CHRM5: variants seen among roughly 807,000 people sequenced by gnomAD.
CHRM5 encodes the protein cholinergic receptor muscarinic 5.
In CHRM5, 18 loss-of-function variants were observed where a neutral mutation model predicts 39.0. The observed-to-expected ratio is 0.46, with a 90% CI of 0.32 to 0.68. CHRM5 has a LOEUF of 0.68. Among genes scored for constraint, CHRM5 ranks in the 30% least tolerant of loss-of-function variants. The pLI is 0.04. For synonymous variants in CHRM5, 241 were observed against 246.3 expected, an observed-to-expected ratio of 0.98 and a Z score of 0.20; for missense variants, 515 against 651.1, an observed-to-expected ratio of 0.79 and a Z score of 2.28.
Position 33,990,165 on chromosome 15 carries a change from T to C in CHRM5, c.-408+21015T>C, listed in dbSNP as rs140619275. On this transcript the variant is annotated intron_variant, in intron 1 of 2. Transcript: ENST00000383263. ...GTTGCAGTGAGCCGAGATTGCATCG[T>C]TGCAATCCAGACTGGGCAACAGGGT... is the stretch of plus-strand genomic sequence containing the variant. Among the ~76,000 whole-genome samples, 132 of 150,246 alleles carry C rather than the reference T, an allele frequency of 8.8e-4. 1 individual carries two copies. Among genetic ancestry groups the C allele is most frequent in the African/African-American group, 3.1e-3 (127 of 40,744 alleles).
At chr15:33,990,563 T>G (rs553787343) in intron 1 of CHRM5, 2 of 152,350 alleles carry the variant, frequency 1.3e-5, no homozygotes, top group African/African-American at 4.8e-5. Context: ...TATAACTAGC[T>G]TAAATTATCT....
chr15:33,990,894 G>A (rs531346323), intron 1 of CHRM5: 2 of 152,170 alleles, frequency 1.3e-5, no homozygotes, highest in African/African-American at 4.8e-5. Context: ...TATAATAGAA[G>A]CACTGAACAA....
intron 1 of CHRM5, among the ~76,000 whole-genome samples, chr15:34,025,805 A>C (rs957350128): frequency 5.3e-5 from 8 of 149,628 alleles, no homozygotes; most frequent in Admixed American, 1.3e-4. Context: ...AAGCGGAGGA[A>C]GGAGAAAAAG....
intron 1 of CHRM5, among the ~76,000 whole-genome samples, chr15:34,010,855 T>C (rs191082709): frequency 6.6e-6 from 1 of 152,366 alleles, no homozygotes; most frequent in Admixed American, 6.5e-5. Flanking sequence ...TAATAGTTAA[T>C]TGCCAACTTT....
At chr15:34,025,082 A>G (rs1191666759) in intron 1 of CHRM5, among the ~76,000 whole-genome samples, 3 of 151,948 alleles carry the variant, frequency 2.0e-5, no homozygotes, top group African/African-American at 7.3e-5. Flanking sequence ...AGGCAGGAGA[A>G]TCGTTTGAGC....
At chr15:34,009,929 T>C (rs1469879942) in intron 1 of CHRM5, among the ~76,000 whole-genome samples, 3 of 152,074 alleles carry the variant, frequency 2.0e-5, no homozygotes, top group African/African-American at 7.2e-5. Flanking sequence ...GACACTGTAC[T>C]CCAGCCTGGG....
At chr15:34,039,098 C>T in intron 1 of CHRM5, 1 of 1,066,742 alleles carries the variant, frequency 9.4e-7, no homozygotes, top group Middle Eastern at 4.3e-4. Context: ...GCGGCGGAGA[C>T]GCCCTGGCCC....
At position 33,994,115 on chromosome 15, in the gene CHRM5, G is replaced by C. The variant is rs560355056; in HGVS notation, c.-408+24965G>C. On this transcript the variant is annotated intron_variant, in intron 1 of 2. Coordinates refer to ENST00000383263, the MANE Select transcript of CHRM5 (RefSeq NM_012125.4). ...ACCGGTCTGTGGCTTGTTAGGAACC[G>C]GGCTGCATAGCAGGAGGTGAGTGGT... Among the ~76,000 whole-genome samples, 7 of 152,318 alleles carry C rather than the reference G, an allele frequency of 4.6e-5. No homozygotes were observed. In the South Asian group the frequency reaches 1.5e-3, roughly 32 times the overall value.
At chr15:34,048,486 C>T (rs1221939723) in intron 2 of CHRM5, among the ~76,000 whole-genome samples, 4 of 150,690 alleles carry the variant, frequency 2.7e-5, no homozygotes, top group African/African-American at 9.8e-5. Flanking sequence ...CCTCACTGGG[C>T]AGGACCTCCA....
intron 2 of CHRM5, among the ~76,000 whole-genome samples, chr15:34,051,682 CA>C (rs1444999070): frequency 1.3e-5 from 2 of 151,964 alleles, no homozygotes; most frequent in East Asian, 3.9e-4. Flanking sequence ...CACAGAAATC[CA>C]AACAATCATC....
chr15:34,011,514 T>C (rs1394784767), intron 1 of CHRM5, among the ~76,000 whole-genome samples: 1 of 152,172 alleles, frequency 6.6e-6, no homozygotes, highest in African/African-American at 2.4e-5. Context: ...CCATTAAGAA[T>C]GGGAATAAAA....
intron 1 of CHRM5, among the ~76,000 whole-genome samples, chr15:33,992,818 G>C (rs149520717): frequency 6.6e-6 from 1 of 152,312 alleles, no homozygotes; most frequent in African/African-American, 2.4e-5. Flanking sequence ...AGGAACAGAG[G>C]AGGGAAGAAA....
chr15:33,994,546 C>A (rs779028882), intron 1 of CHRM5, among the ~76,000 whole-genome samples: 1 of 152,160 alleles, frequency 6.6e-6, no homozygotes, highest in African/African-American at 2.4e-5. Context: ...TCCACAAAAC[C>A]GGTCCCTGGT....
intron 2 of CHRM5, among the ~76,000 whole-genome samples, chr15:34,060,613 C>T (rs77009925): frequency 2.0e-5 from 3 of 152,114 alleles, no homozygotes; most frequent in Non-Finnish European, 4.4e-5. Context: ...CGGTGGCTTT[C>T]GCCTGTAATC....
chr15:33,976,771 A>C (rs1048168661), intron 1 of CHRM5, among the ~76,000 whole-genome samples: 1 of 152,208 alleles, frequency 6.6e-6, no homozygotes, highest in Non-Finnish European at 1.5e-5. Context: ...TGAAATTTTT[A>C]ACATAAATTT....
chr15:34,007,827 A>G (rs900049027), intron 1 of CHRM5, among the ~76,000 whole-genome samples: 1 of 152,176 alleles, frequency 6.6e-6, no homozygotes, highest in African/African-American at 2.4e-5. Flanking sequence ...GGGAGAATCT[A>G]TTCCATGACC....
At chr15:34,062,423 T>TG (rs1251058825) in intron 2 of CHRM5, among the ~76,000 whole-genome samples, 2 of 151,672 alleles carry the variant, frequency 1.3e-5, no homozygotes, top group African/African-American at 2.4e-5. Context: ...GGCGTGGTGG[T>TG]GGGAGCCTGT....
Position 34,064,026 on chromosome 15 carries a change from G to C in CHRM5, c.1309G>C (p.Glu437Gln), listed in dbSNP as rs756372866. The change falls in exon 3 of 3, where the codon GAG (glutamate) becomes CAG (glutamine). Residue 437 changes from glutamate to glutamine, a missense_variant. Transcript: ENST00000383263. Reference protein sequence around the residue: ...TKRKRVVLVKERKAAQTLSAI... With the variant: ...TKRKRVVLVKQRKAAQTLSAI... ...ACGAAAGAGAGTGGTCCTAGTCAAA[G>C]AGAGGAAAGCAGCCCAGACACTGAG... The C allele has an allele frequency of 6.2e-7, 1 of 1,614,182 alleles. No homozygotes were observed. The highest frequency in any genetic ancestry group is 2.2e-5 in the East Asian group (1 of 44,878).
chr15:33,991,808 C>T (rs1896738006), intron 1 of CHRM5: 1 of 151,948 alleles, frequency 6.6e-6, no homozygotes, highest in African/African-American at 2.4e-5. Flanking sequence ...GAAAAAGAAA[C>T]ACTGAAAAAA....
Sources: gnomAD v4.1 joint callset for allele counts (sites outside exome capture counted in the v4.1 genomes callset) on GRCh38, gnomAD v4.1.1 for gene constraint, MANE v1.5 for transcripts, NCBI Gene and HGNC (gene_info 2026-07-23, HGNC 2026-07-21) for gene names.